PLCD4: variants seen among roughly 807,000 people sequenced by gnomAD.
PLCD4 encodes phospholipase C delta 4, also known as 1-phosphatidylinositol 4,5-bisphosphate phosphodiesterase delta-4.
In PLCD4, 63 loss-of-function variants were observed where a neutral mutation model predicts 90.2. That is an observed-to-expected ratio of 0.70 (90% CI 0.57 to 0.86). The LOEUF is 0.86. Ranked by LOEUF, PLCD4 falls within the 40% of genes least tolerant of loss-of-function variation. The pLI, the probability that PLCD4 is intolerant of heterozygous loss-of-function variation, is 0.00. For missense variants in PLCD4, 830 were observed against 956.3 expected (o/e 0.87, Z 1.74); for synonymous variants, 294 against 356.5 (o/e 0.82, Z 1.97).
chr2:218,616,576 G>A (rs1695585293), intron 3 of PLCD4, among the ~76,000 whole-genome samples: 1 of 151,842 alleles, frequency 6.6e-6, no homozygotes, highest in East Asian at 1.9e-4. Context: ...AATTAGCTGG[G>A]TGTGGTGCTG....
Position 218,635,849 on chromosome 2 carries a change from TGTGGATCCACTGGTGAAAG to T in PLCD4, c.1951_1969del (p.Val651CysfsTer8), listed in dbSNP as rs763637057. 2 of 1,613,898 alleles carry T rather than the reference TGTGGATCCACTGGTGAAAG, an allele frequency of 1.2e-6. No homozygotes were observed. ...TGGACAAGACCAAAGAGGGGTCCAT[TGTGGATCCACTGGTGAAAG>T]TGCAGATCTTTGGCGTTCGTCTAGA... On this transcript the variant is annotated frameshift_variant, in exon 14 of 16. Transcript: ENST00000450993. LOFTEE classifies it high-confidence loss of function.
chr2:218,608,183 T>C (rs898476419), intron 1 of PLCD4, 113 bp downstream of exon 1: 1 of 152,562 alleles, frequency 6.6e-6, no homozygotes, highest in Non-Finnish European at 1.5e-5. Context: ...CCTAGACTCC[T>C]TTCCTCATCC....
At chr2:218,614,122 C>T (rs1456318670) in intron 1 of PLCD4, among the ~76,000 whole-genome samples, 15 of 151,630 alleles carry the variant, frequency 9.9e-5, no homozygotes, top group African/African-American at 2.9e-4. Context: ...CAGGTTCACA[C>T]GACTCTCCTG....
intron 6 of PLCD4, among the ~76,000 whole-genome samples, chr2:218,624,270 G>T (rs1696008846): frequency 6.6e-6 from 1 of 152,184 alleles, no homozygotes; most frequent in South Asian, 2.1e-4. Flanking sequence ...CTACTTCAAT[G>T]AATGCTTATT....
chr2:218,633,113 T>C (rs543526829), intron 10 of PLCD4: 6 of 429,424 alleles, frequency 1.4e-5, no homozygotes, highest in African/African-American at 1.2e-4. Flanking sequence ...TCCAAAGATA[T>C]TACTCTGGGA....
In PLCD4 at chr2:218,624,926, C is replaced by T. The variant is rs552044898; in HGVS notation, c.772+2048C>T. On this transcript the variant is annotated intron_variant, in intron 6 of 15. Transcript: ENST00000450993. ...AGGAGTTTGAGAACAGCCTGGCCTA[C>T]GTGGTGAAACCCCATCTCCACTAAA... Among the ~76,000 whole-genome samples, 9 of 151,460 alleles carry T rather than the reference C, an allele frequency of 5.9e-5. No homozygotes were observed. In the South Asian group the frequency reaches 6.3e-4, roughly 11 times the overall value.
chr2:218,621,423 C>T (rs771702152), intron 4 of PLCD4, 47 bp from the exon 5 acceptor site: 4 of 1,609,626 alleles, frequency 2.5e-6, no homozygotes, highest in Non-Finnish European at 2.5e-6. Context: ...CACACAACTG[C>T]ACACACAAAC....
At chr2:218,626,518 A>C (rs1696127018) in intron 6 of PLCD4, among the ~76,000 whole-genome samples, 1 of 152,200 alleles carries the variant, frequency 6.6e-6, no homozygotes, top group Non-Finnish European at 1.5e-5. Context: ...CAAGTTACCT[A>C]ACCTCTCATG....
intron 3 of PLCD4, 82 bp downstream of exon 3, chr2:218,616,144 A>G (rs1695570347): frequency 5.4e-6 from 8 of 1,489,326 alleles, no homozygotes; most frequent in Non-Finnish European, 6.4e-6. Context: ...CCAAAGTCCT[A>G]CGATAGTGTG....
intron 3 of PLCD4, among the ~76,000 whole-genome samples, 180 bp downstream of exon 3, chr2:218,616,242 A>C (rs1229836588): frequency 6.6e-6 from 1 of 152,234 alleles, no homozygotes; most frequent in Non-Finnish European, 1.5e-5. Context: ...TATGAGGATT[A>C]AATTAGTTAT....
intron 6 of PLCD4, among the ~76,000 whole-genome samples, chr2:218,627,085 C>A (rs986243127): frequency 6.6e-6 from 1 of 151,078 alleles, no homozygotes; most frequent in African/African-American, 2.4e-5. Context: ...AACCCTGTCT[C>A]TACTAAAAAT....
chr2:218,619,452 C>T (rs957873347), intron 4 of PLCD4, among the ~76,000 whole-genome samples: 1 of 151,952 alleles, frequency 6.6e-6, no homozygotes, highest in African/African-American at 2.4e-5. Flanking sequence ...TGCCACCACG[C>T]CCAGCTAATT....
At chr2:218,625,304 A>C (rs1696068889) in intron 6 of PLCD4, among the ~76,000 whole-genome samples, 1 of 147,514 alleles carries the variant, frequency 6.8e-6, no homozygotes, top group East Asian at 2.0e-4. Flanking sequence ...TGTTTCAAAC[A>C]AAAAAAAAAG....
intron 7 of PLCD4, 80 bp downstream of exon 7, chr2:218,628,310 G>T (rs1252373144): frequency 2.9e-6 from 4 of 1,399,270 alleles, no homozygotes; most frequent in Non-Finnish European, 4.0e-6. Context: ...GTGTCTAACA[G>T]ATTGGGACAG....
chr2:218,629,302 G>A (rs927386080), intron 7 of PLCD4: 2 of 519,980 alleles, frequency 3.8e-6, no homozygotes, highest in Admixed American at 6.2e-5. Context: ...TGCTATGGAA[G>A]GACTGTGAGT....
intron 6 of PLCD4, among the ~76,000 whole-genome samples, chr2:218,626,288 C>T (rs1452359252): frequency 6.6e-6 from 1 of 151,448 alleles, no homozygotes; most frequent in African/African-American, 2.4e-5. Flanking sequence ...AACTTCCTGC[C>T]CAACTTCCTG....
At position 218,636,944 on chromosome 2, in the gene PLCD4, T is replaced by C. The variant is rs751875411; in HGVS notation, c.*367T>C. The stretch of plus-strand genomic sequence containing the variant: ...GTTGCAACTAGAAATTCAGAGGGGC[T>C]TGGAATAGAGAAACCTAAAGAAGCA... On this transcript the variant is annotated 3_prime_UTR_variant, in exon 16 of 16. Transcript: ENST00000450993. The C allele has an allele frequency of 2.2e-6, 1 of 459,568 alleles. No homozygotes were observed. Among genetic ancestry groups the C allele is most frequent in the South Asian group, 1.6e-5 (1 of 64,494 alleles). 28.5% of individuals were successfully genotyped at this position (459,568 alleles called of 1,614,324 possible). A position where few individuals can be genotyped will look rare whatever the true frequency, so the allele number is the denominator to read the frequency against.
At chr2:218,636,161 A>T (rs951199211) in intron 14 of PLCD4, 82 bp from the exon 15 acceptor site, 112 of 1,481,398 alleles carry the variant, frequency 7.6e-5, no homozygotes, top group Middle Eastern at 1.7e-4. Flanking sequence ...TGCCATCTAG[A>T]TTAAATGAGA....
chr2:218,611,303 A>C lies in PLCD4; in HGVS notation c.-34+3233A>C, dbSNP rs1240783586. On this transcript the variant is annotated intron_variant, in intron 1 of 15. Coordinates refer to ENST00000450993, the MANE Select transcript of PLCD4 (RefSeq NM_032726.4). ...AGAAGAATTGGACAAAGGAGGAAAA[A>C]ATAATTTTCTAAGGCAGGTTTGAGA... Among the ~76,000 whole-genome samples the C allele has an allele frequency of 3.9e-5, 6 of 152,200 alleles. No individual in the cohort carries two copies. The East Asian group carries it at 1.2e-3, about 29-fold the overall frequency.
Sources: allele counts gnomAD v4.1 joint callset (sites outside exome capture counted in the v4.1 genomes callset), GRCh38; gene constraint gnomAD v4.1.1; transcripts MANE v1.5; gene names NCBI Gene and HGNC (gene_info 2026-07-23, HGNC 2026-07-21).